Variants in NXPE4 observed in about 807,000 individuals in gnomAD.
The protein encoded by NXPE4 is NXPE family member 4.
A neutral mutation model predicts 33.3 loss-of-function variants in NXPE4; 42 were observed. The observed-to-expected ratio is 1.26, with a 90% CI of 0.98 to 1.63. The LOEUF (loss-of-function observed/expected upper bound fraction) is 1.63, where lower values mean the gene tolerates loss of function less well. Among genes scored for constraint, NXPE4 ranks in the 40% most tolerant of loss-of-function variants. NXPE4 has a pLI of 0.00. For synonymous variants in NXPE4, 253 were observed against 234.9 expected, an observed-to-expected ratio of 1.08 and a Z score of -0.71; for missense variants, 709 against 647.6, an observed-to-expected ratio of 1.09 and a Z score of -1.03.
At chr11:114,666,003 G>A in the NXPE4 span, among the ~76,000 whole-genome samples, 3 of 152,040 alleles carry the variant, frequency 2.0e-5, no homozygotes, top group East Asian at 1.9e-4. Context: ...ACAGGTTTCC[G>A]ATTCCAGTGC....
At chr11:114,625,155 T>C in the NXPE4 span, among the ~76,000 whole-genome samples, 1 of 152,174 alleles carries the variant, frequency 6.6e-6, no homozygotes, top group Non-Finnish European at 1.5e-5. Context: ...AAGTATTGCC[T>C]TGTGGGTAAC....
the NXPE4 span, among the ~76,000 whole-genome samples, chr11:114,608,986 A>G: frequency 1.3e-5 from 2 of 151,942 alleles, no homozygotes; most frequent in South Asian, 2.1e-4. Context: ...GTGGGTAACC[A>G]CTGTTGCCAG....
the NXPE4 span, among the ~76,000 whole-genome samples, chr11:114,637,018 T>G: frequency 6.6e-6 from 1 of 152,094 alleles, no homozygotes. Context: ...TGGGTATCGT[T>G]GTTGACTTTC....
chr11:114,677,482 G>A, the NXPE4 span, among the ~76,000 whole-genome samples: 1 of 152,040 alleles, frequency 6.6e-6, no homozygotes, highest in Non-Finnish European at 1.5e-5. Flanking sequence ...GCAGCACAAG[G>A]CAGAGGAGAA....
the NXPE4 span, among the ~76,000 whole-genome samples, chr11:114,670,051 G>A: frequency 5.3e-5 from 8 of 152,120 alleles, no homozygotes; most frequent in Admixed American, 3.3e-4. Flanking sequence ...GCTAGGTAGA[G>A]CCCTATAGAA....
At chr11:114,589,546 T>C (rs1057300670) in intron 2 of NXPE4, among the ~76,000 whole-genome samples, 29 of 152,092 alleles carry the variant, frequency 1.9e-4, no homozygotes, top group African/African-American at 6.0e-4. Flanking sequence ...ACTTCTTTAT[T>C]AGGTAGAGAC....
At chr11:114,632,954 T>C in the NXPE4 span, among the ~76,000 whole-genome samples, 47 of 102,450 alleles carry the variant, frequency 4.6e-4, no homozygotes, top group East Asian at 0.011. Context: ...ATATGATATT[T>C]TATATAATTA....
chr11:114,612,673 T>G, the NXPE4 span, among the ~76,000 whole-genome samples: 1 of 151,804 alleles, frequency 6.6e-6, no homozygotes, highest in Non-Finnish European at 1.5e-5. Context: ...GGATAATACG[T>G]GTTGTCTCAT....
chr11:114,594,749 C>T lies in NXPE4; in HGVS notation c.11G>A (p.Ser4Asn). ...CAATAGTGACTTATAATTTATCATACTTATTTTCATGATTAGGATCCTACA... is the reference window on the plus strand; with the variant it reads ...CAATAGTGACTTATAATTTATCATATTTATTTTCATGATTAGGATCCTACA... The part of the protein sequence containing the change: MKI[S>N]MINYKSLLAL... The change falls in exon 2 of 6, where the codon AGT becomes AAT. Residue 4 changes from serine to asparagine, a missense_variant. Coordinates refer to ENST00000375478, the MANE Select transcript of NXPE4 (RefSeq NM_001077639.2). 1.3e-6 allele frequency: 2 copies of T among 1,540,362 alleles called. No individual in the cohort carries two copies. Among genetic ancestry groups the T allele is most frequent in the African/African-American group, 2.7e-5 (2 of 73,076 alleles).
chr11:114,628,543 C>T, the NXPE4 span, among the ~76,000 whole-genome samples: 2 of 151,264 alleles, frequency 1.3e-5, no homozygotes, highest in South Asian at 4.2e-4. Flanking sequence ...AAATTTATAG[C>T]ACTAAATGCC....
intron 2 of NXPE4, 86 bp from the exon 3 acceptor site, chr11:114,583,107 A>T: frequency 7.3e-7 from 1 of 1,362,564 alleles, no homozygotes; most frequent in Non-Finnish European, 1.0e-6. Flanking sequence ...ATGCTATGAA[A>T]TTAACATGTT....
At chr11:114,669,870 G>T in the NXPE4 span, among the ~76,000 whole-genome samples, 1 of 152,000 alleles carries the variant, frequency 6.6e-6, no homozygotes, top group Admixed American at 6.6e-5. Flanking sequence ...TAAGCATGTG[G>T]GAGTTATTTA....
the NXPE4 span, among the ~76,000 whole-genome samples, chr11:114,639,414 G>A: frequency 3.8e-3 from 579 of 151,874 alleles, 6 homozygotes; most frequent in Non-Finnish European, 6.6e-3. Context: ...GACCCCTTGC[G>A]CTTCCTGAGT....
chr11:114,573,777 T>C (rs1948941133), intron 5 of NXPE4, among the ~76,000 whole-genome samples: 2 of 151,918 alleles, frequency 1.3e-5, no homozygotes, highest in African/African-American at 2.4e-5. Context: ...ACTTTAACAC[T>C]CCACTGACAG....
intron 2 of NXPE4, chr11:114,583,829 G>A (rs1591341267): frequency 2.4e-6 from 1 of 408,394 alleles, no homozygotes; most frequent in Non-Finnish European, 4.7e-6. Flanking sequence ...TACAGGCTAG[G>A]CCAGGACTGT....
intron 2 of NXPE4, among the ~76,000 whole-genome samples, chr11:114,586,919 C>T (rs1161844497): frequency 2.0e-5 from 3 of 152,064 alleles, no homozygotes; most frequent in Non-Finnish European, 2.9e-5. Context: ...ATGGGATTGC[C>T]GTTTTTGTGA....
chr11:114,617,635 A>G, the NXPE4 span, among the ~76,000 whole-genome samples: 1,550 of 149,332 alleles, frequency 0.01, 21 homozygotes, highest in African/African-American at 0.036. Context: ...CTGTTACCCA[A>G]TGGATAATAA....
rs1949173376 is a variant in NXPE4, at chr11:114,582,525, C to T, written c.593G>A (p.Gly198Asp). The T allele has an allele frequency of 6.2e-7, 1 of 1,614,112 alleles. No homozygotes were observed. Among genetic ancestry groups the T allele is most frequent in the Non-Finnish European group, 8.5e-7 (1 of 1,179,996 alleles). ...GCCAGTGAAGATCACCCTGTCATAG[C>T]CTTGGTTCCTTGCACTCCAGAGAGC... ...VSALWSARNQ[G>D]YDRVIFTGQF... The change falls in exon 3 of 6, where the codon GGC becomes GAC. Residue 198 changes from glycine to aspartate, a missense_variant. Physicochemically the swap from Gly to Asp is moderately conservative, Grantham distance 94 (BLOSUM62 -1). Transcript: ENST00000375478.
the NXPE4 span, among the ~76,000 whole-genome samples, chr11:114,669,785 T>TA: frequency 1.3e-5 from 2 of 151,814 alleles, no homozygotes; most frequent in Admixed American, 6.6e-5. Context: ...ATTTCAGTCC[T>TA]AAAAAAAACT....
Sources: allele counts gnomAD v4.1 joint callset (sites outside exome capture counted in the v4.1 genomes callset), GRCh38; gene constraint gnomAD v4.1.1; transcripts MANE v1.5; gene names NCBI Gene and HGNC (gene_info 2026-07-23, HGNC 2026-07-21).